Variants in KCNK13 observed in about 807,000 individuals in gnomAD.
KCNK13 encodes potassium channel subfamily K member 13.
In KCNK13, 12 loss-of-function variants were observed where a neutral mutation model predicts 23.4. The observed-to-expected ratio is 0.51, with a 90% CI of 0.33 to 0.83. The LOEUF (loss-of-function observed/expected upper bound fraction) is 0.83, where lower values mean the gene tolerates loss of function less well. KCNK13 is among the 40% of genes least tolerant of loss of function. The probability of loss-of-function intolerance (pLI) is 0.02; values close to 1 mark genes in which losing one functional copy is unlikely to be tolerated. For synonymous variants in KCNK13, 231 were observed against 229.5 expected, an observed-to-expected ratio of 1.01 and a Z score of -0.06; for missense variants, 463 against 556.3, an observed-to-expected ratio of 0.83 and a Z score of 1.69.
chr14:90,113,573 G>A (rs977402777), intron 1 of KCNK13, among the ~76,000 whole-genome samples: 1 of 152,112 alleles, frequency 6.6e-6, no homozygotes, highest in Non-Finnish European at 1.5e-5. Context: ...GGGTAGTAAC[G>A]TACTAATGGT....
intron 1 of KCNK13, among the ~76,000 whole-genome samples, chr14:90,135,974 G>A (rs993752301): frequency 2.0e-5 from 3 of 152,014 alleles, no homozygotes; most frequent in Non-Finnish European, 4.4e-5. Flanking sequence ...GGTGCTGGGA[G>A]CACCAGGGCA....
intron 1 of KCNK13, among the ~76,000 whole-genome samples, chr14:90,147,782 C>G (rs1360813193): frequency 2.0e-5 from 3 of 152,096 alleles, no homozygotes; most frequent in Non-Finnish European, 4.4e-5. Context: ...TTAGGTTATA[C>G]TTTTTAAAAA....
chr14:90,121,149 A>C (rs1889735019), intron 1 of KCNK13, among the ~76,000 whole-genome samples: 1 of 152,240 alleles, frequency 6.6e-6, no homozygotes, highest in African/African-American at 2.4e-5. Flanking sequence ...TTTCTGGCTC[A>C]CTACTGAGGT....
chr14:90,080,982 C>T (rs1233234865), intron 1 of KCNK13, among the ~76,000 whole-genome samples: 1 of 152,234 alleles, frequency 6.6e-6, no homozygotes, highest in Non-Finnish European at 1.5e-5. Flanking sequence ...CAAATGCCCC[C>T]TGGGAGAGAA....
At chr14:90,120,674 A>G (rs1015666787) in intron 1 of KCNK13, among the ~76,000 whole-genome samples, 4 of 152,190 alleles carry the variant, frequency 2.6e-5, no homozygotes, top group South Asian at 2.1e-4. Context: ...CCCACGATCT[A>G]TGGGATTATG....
At chr14:90,076,106 T>TA (rs1211481639) in intron 1 of KCNK13, among the ~76,000 whole-genome samples, 2 of 152,282 alleles carry the variant, frequency 1.3e-5, no homozygotes, top group African/African-American at 2.4e-5. Context: ...TTATTGGTAC[T>TA]TAGGTCTCAA....
At chr14:90,183,018 T>C (rs1447097399) in intron 1 of KCNK13, among the ~76,000 whole-genome samples, 1 of 152,124 alleles carries the variant, frequency 6.6e-6, no homozygotes, top group Non-Finnish European at 1.5e-5. Context: ...ATCCCTCTGA[T>C]GAGAGTGGGC....
At chr14:90,089,923 G>A (rs1333817262) in intron 1 of KCNK13, among the ~76,000 whole-genome samples, 1 of 152,224 alleles carries the variant, frequency 6.6e-6, no homozygotes, top group Admixed American at 6.5e-5. Context: ...GGGAACTTCT[G>A]CCTAGATTTC....
intron 1 of KCNK13, among the ~76,000 whole-genome samples, chr14:90,110,487 A>G (rs201932968): frequency 1.0e-4 from 6 of 57,458 alleles, no homozygotes; most frequent in African/African-American, 4.9e-4. Context: ...CTCAAAAAAG[A>G]AAAAAAAAAA....
intron 1 of KCNK13, among the ~76,000 whole-genome samples, chr14:90,158,709 C>T (rs1373991152): frequency 6.6e-6 from 1 of 152,186 alleles, no homozygotes; most frequent in African/African-American, 2.4e-5. Flanking sequence ...GCCTGCCTTC[C>T]TTCTTTCCAA....
intron 1 of KCNK13, among the ~76,000 whole-genome samples, chr14:90,120,886 C>T (rs1186829702): frequency 1.3e-5 from 2 of 152,068 alleles, no homozygotes; most frequent in Non-Finnish European, 2.9e-5. Context: ...CAAGTCCCTT[C>T]CGCCTATGAG....
intron 1 of KCNK13, among the ~76,000 whole-genome samples, chr14:90,156,001 C>T (rs981717817): frequency 3.3e-5 from 5 of 151,868 alleles, no homozygotes; most frequent in Admixed American, 6.6e-5. Flanking sequence ...GTCAGGAGTT[C>T]GAGACGAGCC....
At chr14:90,165,921 C>G (rs181057397) in intron 1 of KCNK13, among the ~76,000 whole-genome samples, 1 of 152,194 alleles carries the variant, frequency 6.6e-6, no homozygotes, top group Admixed American at 6.5e-5. Flanking sequence ...AATTCCTCTT[C>G]GCAAGCTGAT....
Position 90,062,694 on chromosome 14 carries a change from C to T in KCNK13, c.334+155C>T, listed in dbSNP as rs1888960523. On this transcript the variant is annotated intron_variant, in intron 1 of 1. Coordinates refer to ENST00000282146, the MANE Select transcript of KCNK13 (RefSeq NM_022054.4). The surrounding 1 kb of genome is among the most constrained non-coding windows in gnomAD (Gnocchi z 4.5). ...TCGCCTGATCAACAGGTGGTATTGCCTCCCCGCTGCTCTAATGTGGTCCAG... is the reference window on the plus strand; with the variant it reads ...TCGCCTGATCAACAGGTGGTATTGCTTCCCCGCTGCTCTAATGTGGTCCAG... Among the ~76,000 whole-genome samples the T allele has an allele frequency of 6.6e-6, 1 of 152,176 alleles. No individual in the cohort carries two copies. The highest frequency in any genetic ancestry group is 1.5e-5 in the Non-Finnish European group (1 of 68,038).
intron 1 of KCNK13, among the ~76,000 whole-genome samples, chr14:90,122,285 CA>C (rs1889748112): frequency 6.6e-6 from 1 of 151,316 alleles, no homozygotes. Context: ...TTCTGGATAA[CA>C]GGGCATGAAT....
At chr14:90,127,885 C>T (rs961918281) in intron 1 of KCNK13, among the ~76,000 whole-genome samples, 1 of 148,702 alleles carries the variant, frequency 6.7e-6, no homozygotes, top group Non-Finnish European at 1.5e-5. Flanking sequence ...AGAGTACATT[C>T]TGTGACCATT....
At chr14:90,091,192 A>T (rs1596773470) in intron 1 of KCNK13, among the ~76,000 whole-genome samples, 4 of 152,162 alleles carry the variant, frequency 2.6e-5, no homozygotes, top group South Asian at 4.1e-4. Context: ...TTATTTTTTT[A>T]AATTGCATCC....
chr14:90,082,877 G>A (rs954333765), intron 1 of KCNK13, among the ~76,000 whole-genome samples: 1 of 152,082 alleles, frequency 6.6e-6, no homozygotes, highest in African/African-American at 2.4e-5. Flanking sequence ...TTCCAAAATG[G>A]CTATAACATT....
chr14:90,070,018 CCAA>C (rs1453276018), intron 1 of KCNK13, among the ~76,000 whole-genome samples: 1 of 152,124 alleles, frequency 6.6e-6, no homozygotes, highest in Non-Finnish European at 1.5e-5. Context: ...ATTCTACCAA[CCAA>C]CAACAAACAC....
Sources: allele counts gnomAD v4.1 joint callset (sites outside exome capture counted in the v4.1 genomes callset), GRCh38; gene constraint gnomAD v4.1.1; non-coding constraint Gnocchi (gnomAD v3.1); transcripts MANE v1.5; gene names NCBI Gene and HGNC (gene_info 2026-07-23, HGNC 2026-07-21).